The following SH2D3A variants were observed in gnomAD, a reference collection of about 807,000 sequenced individuals.
The protein encoded by SH2D3A is SH2 domain containing 3A.
SH2D3A carries 46 observed loss-of-function variants against 50.6 expected under a neutral mutation model. That is an observed-to-expected ratio of 0.91 (90% CI 0.72 to 1.16). The LOEUF is 1.16. Among genes scored for constraint, SH2D3A ranks in the 50% most tolerant of loss-of-function variants. The pLI, the probability that SH2D3A is intolerant of heterozygous loss-of-function variation, is 0.00. For synonymous variants in SH2D3A, 377 were observed against 348.4 expected, an observed-to-expected ratio of 1.08 and a Z score of -0.91; for missense variants, 783 against 786.2, an observed-to-expected ratio of 1.00 and a Z score of 0.05.
Position 6,754,573 on chromosome 19 carries a change from G to A in SH2D3A, c.1097+43C>T, listed in dbSNP as rs576700550. 1.9e-6 allele frequency: 3 copies of A among 1,611,356 alleles called. No individual in the cohort carries two copies. The African/African-American group carries it at 4.0e-5, about 21-fold the overall frequency. On this transcript the variant is annotated intron_variant, in intron 6 of 9. Transcript: ENST00000245908. ...TGTTTGGAGATCTTGGGAAGTGGGG[G>A]GAATTGGCCTCCCCCAACCAAGATT...
At chr19:6,757,537 G>A (rs538142460) in intron 4 of SH2D3A, 217 of 152,254 alleles carry the variant, frequency 1.4e-3, no homozygotes, top group Non-Finnish European at 2.3e-3. Context: ...TGACCCAAGA[G>A]CCTTTGCACT....
intron 9 of SH2D3A, 103 bp from the exon 10 acceptor site, chr19:6,752,856 G>C (rs1969397220): frequency 7.0e-7 from 1 of 1,422,782 alleles, no homozygotes; most frequent in Non-Finnish European, 9.2e-7. Flanking sequence ...TGACCCAACA[G>C]GGGCCCGGGA....
chr19:6,763,583 T>A, intron 2 of SH2D3A, 97 bp downstream of exon 2: 2 of 1,138,850 alleles, frequency 1.8e-6, no homozygotes. Context: ...CCAATAGACC[T>A]TGGCACTAAG....
Position 6,760,880 on chromosome 19 carries a change from A to G in SH2D3A, c.177T>C (p.His59=). 6.2e-7 allele frequency: 1 copy of G among 1,614,202 alleles called. No individual in the cohort carries two copies. The highest frequency in any genetic ancestry group is 8.5e-7 in the Non-Finnish European group (1 of 1,180,026). Residue 59 remains histidine, a synonymous_variant, in exon 3 of 10, where the codon CAT becomes CAC. Transcript: ENST00000245908. ...ISCRWRGSAL[H]FEVFRVALRP... ...GCAGGGCCACACGGAACACCTCAAA[A>G]TGGAGGGCTGAGCCCCGCCAGCGGC...
rs921310353 is a variant in SH2D3A at position 6,759,690 on chromosome 19, G to A, written c.420-20C>T. The A allele has an allele frequency of 1.6e-5, 25 of 1,611,912 alleles. No individual in the cohort carries two copies. The highest frequency in any genetic ancestry group is 2.1e-5 in the Non-Finnish European group (25 of 1,178,472). On this transcript the variant is annotated intron_variant, in intron 3 of 9. Coordinates refer to ENST00000245908, the MANE Select transcript of SH2D3A (RefSeq NM_005490.3). ...CTTGCCCTGGGGGACAGAAGTGGGA[G>A]AAACCTGTAGTCCCCACCTAAGCAG...
intron 3 of SH2D3A, among the ~76,000 whole-genome samples, chr19:6,759,881 C>G (rs1969909065): frequency 6.6e-6 from 1 of 152,160 alleles, no homozygotes; most frequent in Non-Finnish European, 1.5e-5. Context: ...GAATGCTGCT[C>G]AGCACCCTAT....
intron 2 of SH2D3A, among the ~76,000 whole-genome samples, chr19:6,761,978 A>C (rs1386538171): frequency 6.7e-6 from 1 of 148,170 alleles, no homozygotes; most frequent in African/African-American, 2.5e-5. Context: ...AAAAAAAAAC[A>C]AAAAAAAGGC....
At position 6,753,557 on chromosome 19, in the gene SH2D3A, A is replaced by C; in HGVS notation, c.1469T>G (p.Leu490Arg). ...LLEGEEVAGP[L>R]DESCERLLRT... is the part of the protein sequence containing the mutation. ...CAACAGCCGCTCACAGCTCTCGTCCAGCGGCCCCGCGACTTCCTCGCCCTC... is the reference window on the plus strand; with the variant it reads ...CAACAGCCGCTCACAGCTCTCGTCCCGCGGCCCCGCGACTTCCTCGCCCTC... Residue 490 changes from leucine (L) to arginine (R), a missense_variant, in exon 9 of 10, where the codon CTG becomes CGG. Transcript: ENST00000245908. 6.4e-7 allele frequency: 1 copy of C among 1,574,486 alleles called. No individual in the cohort carries two copies. The highest frequency in any genetic ancestry group is 8.6e-7 in the Non-Finnish European group (1 of 1,160,916).
chr19:6,767,232 G>A (rs527717301), intron 1 of SH2D3A, among the ~76,000 whole-genome samples, 155 bp downstream of exon 1: 2 of 152,276 alleles, frequency 1.3e-5, no homozygotes, highest in East Asian at 3.9e-4. Context: ...GTGAGCCCGA[G>A]CACACCGACA....
chr19:6,754,590 A>G (rs1470154318), intron 6 of SH2D3A, 26 bp downstream of exon 6: 3 of 1,613,732 alleles, frequency 1.9e-6, no homozygotes, highest in Admixed American at 3.3e-5. Context: ...GCCTCCCCCA[A>G]CCAAGATTAC....
chr19:6,754,326 C>T lies in SH2D3A; in HGVS notation c.1197G>A (p.Ala399=). 6.4e-7 allele frequency: 1 copy of T among 1,572,496 alleles called. No individual in the cohort carries two copies. The highest frequency in any genetic ancestry group is 8.6e-7 in the Non-Finnish European group (1 of 1,165,638). ...CCGCCGCCCCTGGCCGCAGCGCCAG[C>T]GCCAGCTCTACCAGTCCCCTCAGTG... is the stretch of plus-strand genomic sequence containing the variant. The part of the protein sequence containing the change: ...AAALRGLVEL[A]LALRPGAAGD... The change falls in exon 7 of 10, where the codon GCG becomes GCA. Residue 399 remains alanine, a synonymous_variant. Coordinates refer to ENST00000245908, the MANE Select transcript of SH2D3A (RefSeq NM_005490.3).
chr19:6,756,654 T>G (rs1406564635), intron 4 of SH2D3A, among the ~76,000 whole-genome samples: 1 of 152,082 alleles, frequency 6.6e-6, no homozygotes, highest in South Asian at 2.1e-4. Flanking sequence ...TTTGGGAGAC[T>G]GTATTTACCA....
In SH2D3A at chr19:6,755,228, GCAACAGTTCC is replaced by G; in HGVS notation, c.574_583del (p.Gly192ProfsTer130). On this transcript the variant is annotated frameshift_variant, in exon 5 of 10. Coordinates refer to ENST00000245908, the MANE Select transcript of SH2D3A (RefSeq NM_005490.3). LOFTEE classifies it high-confidence loss of function. ...CCCATCGGAGGCCCTGAGACTGTCG[GCAACAGTTCC>G]CAGGGGAGCAGGGGCCTTCAGCAAC... is the stretch of plus-strand genomic sequence containing the variant. 4 of 1,552,484 alleles carry G rather than the reference GCAACAGTTCC, an allele frequency of 2.6e-6. No homozygotes were observed. The highest frequency in any genetic ancestry group is 3.5e-6 in the Non-Finnish European group (4 of 1,148,222).
rs1969979809 is a variant in SH2D3A at position 6,760,922 on chromosome 19, G to T, written c.135C>A (p.Gly45=). Reference sequence around the variant, plus strand: ...GCCAGCGGCAGGAGATCACGGGGTTGCCCCCACGGGACCCAGAGGCGCGAA... The same window carrying T: ...GCCAGCGGCAGGAGATCACGGGGTTTCCCCCACGGGACCCAGAGGCGCGAA... ...FLVRASGSRG[G]NPVISCRWRG... The change falls in exon 3 of 10, where the codon GGC becomes GGA. Residue 45 remains glycine, a synonymous_variant. Transcript: ENST00000245908. 6.2e-7 allele frequency: 1 copy of T among 1,614,080 alleles called. No individual in the cohort carries two copies. The highest frequency in any genetic ancestry group is 1.3e-5 in the African/African-American group (1 of 75,072).
intron 1 of SH2D3A, among the ~76,000 whole-genome samples, chr19:6,766,074 A>T (rs1478608932): frequency 6.6e-6 from 1 of 152,118 alleles, no homozygotes. Flanking sequence ...CTGCAGAGAA[A>T]TTCCTGCCTC....
chr19:6,760,866 C>T lies in SH2D3A; in HGVS notation c.191G>A (p.Arg64His), dbSNP rs562996882. 52 of 1,614,114 alleles carry T rather than the reference C, an allele frequency of 3.2e-5. No individual in the cohort carries two copies. The Admixed American group carries it at 5.0e-4, about 16-fold the overall frequency. ...RGSALHFEVF[R>H]VALRPRPGRP... ...GCCTGGCCGGGGACGCAGGGCCACA[C>T]GGAACACCTCAAAATGGAGGGCTGA... The change falls in exon 3 of 10, where the codon CGT becomes CAT. Residue 64 changes from arginine (R) to histidine (H), a missense_variant. Arg to His is a conservative substitution (Grantham distance 29). Transcript: ENST00000245908.
Position 6,760,727 on chromosome 19 carries a change from G to C in SH2D3A, c.330C>G (p.Val110=), listed in dbSNP as rs756817738. The C allele has an allele frequency of 6.2e-7, 1 of 1,614,136 alleles. No homozygotes were observed. Among genetic ancestry groups the C allele is most frequent in the Non-Finnish European group, 8.5e-7 (1 of 1,180,010 alleles). The part of the protein sequence containing the change: ...RPLSQATGAV[V]SRPVTWQGPL... ...GCCCCTGCCAAGTCACAGGCCTGGA[G>C]ACCACAGCCCCTGTGGCCTGGGACA... The change falls in exon 3 of 10, where the codon GTC becomes GTG. Residue 110 remains valine, a synonymous_variant. Transcript: ENST00000245908.
At chr19:6,763,905 CTTTTTTTTTTTTT>C (rs1168778786) in intron 1 of SH2D3A, 89 bp from the exon 2 acceptor site, 2 of 108,660 alleles carry the variant, frequency 1.8e-5, no homozygotes, top group East Asian at 2.9e-4. Context: ...TCCATCAAAT[CTTTTTTTTTTTTT>C]TTTTTTTTTT....
rs397945080 is a variant in SH2D3A at position 6,765,747 on chromosome 19, CAAA to C, written c.-69+1637_-69+1639del. Among the ~76,000 whole-genome samples, 72 of 63,228 alleles carry C rather than the reference CAAA, an allele frequency of 1.1e-3. 1 individual carries two copies. The highest frequency in any genetic ancestry group is 0.017 in the Middle Eastern group (2 of 116). The allele number at this position is 63,228 out of a possible 152,430, so 41.5% of individuals were successfully genotyped here. On this transcript the variant is annotated intron_variant, in intron 1 of 9. Coordinates refer to ENST00000245908, the MANE Select transcript of SH2D3A (RefSeq NM_005490.3). ...TGGGTGACAGAGCAAGACTCCGTCT[CAAA>C]AAAAAAAAAAAAAAAAAGAATGTAA... is the stretch of plus-strand genomic sequence containing the variant.
Sources: allele counts gnomAD v4.1 joint callset (sites outside exome capture counted in the v4.1 genomes callset), GRCh38; gene constraint gnomAD v4.1.1; transcripts MANE v1.5; gene names NCBI Gene and HGNC (gene_info 2026-07-23, HGNC 2026-07-21).